FBXL2: variants seen among roughly 807,000 people sequenced by gnomAD.
FBXL2 encodes the protein F-box/LRR-repeat protein 2.
Under a neutral mutation model 69.2 loss-of-function variants are expected in FBXL2, and 38 were observed. That is an observed-to-expected ratio of 0.55 (90% CI 0.42 to 0.72). The LOEUF is 0.72. FBXL2 is among the 30% of genes least tolerant of loss of function. FBXL2 has a pLI of 0.00. For synonymous variants in FBXL2, 192 were observed against 201.3 expected, an observed-to-expected ratio of 0.95 and a Z score of 0.39; for missense variants, 354 against 520.3, an observed-to-expected ratio of 0.68 and a Z score of 3.11.
chr3:33,315,233 T>TA (rs1491242547), intron 2 of FBXL2, among the ~76,000 whole-genome samples: 1 of 151,836 alleles, frequency 6.6e-6, no homozygotes, highest in Non-Finnish European at 1.5e-5. Flanking sequence ...TCCTTTTTTT[T>TA]CTTTCTTTTT....
chr3:33,359,042 T>C (rs1226343609), intron 3 of FBXL2, 21 bp downstream of exon 3: 14 of 1,479,604 alleles, frequency 9.5e-6, no homozygotes, highest in Non-Finnish European at 1.2e-5. Flanking sequence ...CACCAGATTT[T>C]TTAATCAATA....
At chr3:33,354,925 C>T (rs1427408171) in intron 2 of FBXL2, among the ~76,000 whole-genome samples, 2 of 152,152 alleles carry the variant, frequency 1.3e-5, no homozygotes, top group African/African-American at 4.8e-5. Context: ...TATATACTGG[C>T]AGCAATTAAA....
intron 2 of FBXL2, among the ~76,000 whole-genome samples, chr3:33,342,302 G>A (rs1307936036): frequency 1.3e-5 from 2 of 151,366 alleles, no homozygotes; most frequent in Admixed American, 6.6e-5. Context: ...ACTGTGCCCG[G>A]CCTATGCAGT....
chr3:33,365,127 A>C (rs1027707463), intron 5 of FBXL2, among the ~76,000 whole-genome samples: 3 of 152,190 alleles, frequency 2.0e-5, no homozygotes, highest in Admixed American at 2.0e-4. Flanking sequence ...ACTAATTGAT[A>C]AAATAACTAT....
downstream of FBXL2, chr3:33,392,674 G>T (rs2043814967): frequency 4.1e-6 from 6 of 1,469,696 alleles, no homozygotes; most frequent in Admixed American, 9.7e-5. Context: ...TTCTTAAAAT[G>T]ATTTTAAAAC....
chr3:33,365,238 C>T (rs901487216), intron 5 of FBXL2, among the ~76,000 whole-genome samples: 2 of 151,528 alleles, frequency 1.3e-5, no homozygotes, highest in African/African-American at 4.9e-5. Context: ...CCTATACAAC[C>T]AAATATTTGC....
intron 2 of FBXL2, chr3:33,302,994 T>C: frequency 2.2e-6 from 1 of 450,448 alleles, no homozygotes; most frequent in South Asian, 1.6e-5. Flanking sequence ...TCATAGGTCC[T>C]TGGCAAGCAG....
chr3:33,371,065 G>A (rs984281493), intron 5 of FBXL2, among the ~76,000 whole-genome samples: 2 of 151,690 alleles, frequency 1.3e-5, no homozygotes, highest in Admixed American at 6.6e-5. Context: ...TTTGATAGTT[G>A]CTATTGCTAT....
chr3:33,288,045 C>CA (rs1481253514), intron 1 of FBXL2, among the ~76,000 whole-genome samples: 1 of 152,166 alleles, frequency 6.6e-6, no homozygotes, highest in South Asian at 2.1e-4. Flanking sequence ...CTTTGAATCT[C>CA]ACTGCTATCC....
At chr3:33,318,151 G>C (rs1447277566) in intron 2 of FBXL2, among the ~76,000 whole-genome samples, 1 of 152,044 alleles carries the variant, frequency 6.6e-6, no homozygotes. Flanking sequence ...CCCCATGGCT[G>C]TTTCTCACTG....
chr3:33,301,696 C>T (rs1257585210), intron 2 of FBXL2, among the ~76,000 whole-genome samples: 2 of 152,178 alleles, frequency 1.3e-5, no homozygotes, highest in Non-Finnish European at 2.9e-5. Flanking sequence ...CTACCCTTTG[C>T]TCTCACATAG....
downstream of FBXL2, among the ~76,000 whole-genome samples, chr3:33,404,582 G>A (rs953982732): frequency 6.6e-6 from 1 of 151,890 alleles, no homozygotes; most frequent in African/African-American, 2.4e-5. Flanking sequence ...GGGAAGGGGA[G>A]GCTGCAGTGA....
At chr3:33,307,188 G>A (rs1470909187) in intron 2 of FBXL2, among the ~76,000 whole-genome samples, 1 of 152,120 alleles carries the variant, frequency 6.6e-6, no homozygotes, top group Non-Finnish European at 1.5e-5. Context: ...GGCATCACTG[G>A]TAACAATACA....
At chr3:33,396,506 T>G in intron 12 of FBXL2, 1 of 503,568 alleles carries the variant, frequency 2.0e-6, no homozygotes, top group Non-Finnish European at 3.6e-6. Flanking sequence ...ATTGAGATGG[T>G]CTGTCAGATG....
intron 2 of FBXL2, among the ~76,000 whole-genome samples, chr3:33,321,719 G>A (rs1208628983): frequency 1.3e-5 from 2 of 152,180 alleles, no homozygotes; most frequent in African/African-American, 4.8e-5. Context: ...ATGGTATAGC[G>A]TGTTGCTCCT....
rs918009918 is a variant in FBXL2, at chr3:33,387,060, C to T, written c.*1452C>T. The T allele has an allele frequency of 6.6e-6, 1 of 152,102 alleles. No individual in the cohort carries two copies. The allele number at this position is 152,102 out of a possible 1,614,324, so 9.4% of individuals were successfully genotyped here. On this transcript the variant is annotated 3_prime_UTR_variant, in exon 15 of 15. Coordinates refer to ENST00000484457, the MANE Select transcript of FBXL2 (RefSeq NM_012157.5). ...TATATATATATAATCTCCCCATAAA[C>T]GGACTTAGCACAATTATCATCAGAG...
downstream of FBXL2, chr3:33,392,524 T>C (rs375476861): frequency 2.5e-5 from 39 of 1,578,666 alleles, no homozygotes; most frequent in Non-Finnish European, 3.4e-5. Flanking sequence ...CCATCTCTCA[T>C]GATTCCAGCA....
downstream of FBXL2, chr3:33,390,627 G>T: frequency 9.4e-6 from 5 of 532,678 alleles, no homozygotes; most frequent in South Asian, 1.1e-4. Context: ...CCAGTTCTGG[G>T]GGTAGGGGGA....
chr3:33,409,543 G>C, the FBXL2 span: 2 of 1,614,054 alleles, frequency 1.2e-6, no homozygotes, highest in South Asian at 1.1e-5. Context: ...GATCCTAAAG[G>C]GCACTCCCTT....
Sources: allele counts gnomAD v4.1 joint callset (sites outside exome capture counted in the v4.1 genomes callset), GRCh38; gene constraint gnomAD v4.1.1; transcripts MANE v1.5; gene names NCBI Gene and HGNC (gene_info 2026-07-23, HGNC 2026-07-21).